UNC79: variants seen among roughly 807,000 people sequenced by gnomAD.
UNC79 encodes unc-79 subunit of NALCN channel complex, also known as protein unc-79 homolog.
A neutral mutation model predicts 283.1 loss-of-function variants in UNC79; 37 were observed. The ratio of observed to expected loss-of-function variants is 0.13; its 90% CI spans 0.10 to 0.17. The LOEUF (loss-of-function observed/expected upper bound fraction) is 0.17, where lower values mean the gene tolerates loss of function less well. Among genes scored for constraint, UNC79 ranks in the 10% least tolerant of loss-of-function variants. The pLI, the probability that UNC79 is intolerant of heterozygous loss-of-function variation, is 1.00. For missense variants in UNC79, 2,272 were observed against 3,211.1 expected (o/e 0.71, Z 7.07); for synonymous variants, 1,107 against 1,200.2 (o/e 0.92, Z 1.61).
intron 14 of UNC79, among the ~76,000 whole-genome samples, chr14:93,547,167 T>C (rs2061640713): frequency 6.6e-6 from 1 of 152,178 alleles, no homozygotes; most frequent in Non-Finnish European, 1.5e-5. Flanking sequence ...CAAAGAAGCA[T>C]AAAGATGTAT....
chr14:93,644,181 G>A (rs2140239407), intron 34 of UNC79, among the ~76,000 whole-genome samples: 1 of 152,342 alleles, frequency 6.6e-6, no homozygotes, highest in Non-Finnish European at 1.5e-5. Context: ...TTCTGACTCA[G>A]ATAAAAGAAG....
At chr14:93,604,937 G>A (rs1443267095) in intron 26 of UNC79, 4 of 1,586,686 alleles carry the variant, frequency 2.5e-6, no homozygotes, top group Admixed American at 1.7e-5. Flanking sequence ...TCCAGCTCTC[G>A]GTGGGACACC....
chr14:93,664,015 C>T (rs1038300796), intron 40 of UNC79, among the ~76,000 whole-genome samples: 1 of 152,134 alleles, frequency 6.6e-6, no homozygotes. Context: ...CAGGATATCT[C>T]CTCATAATCC....
rs1416629364 is a variant in UNC79, at chr14:93,517,284, A to T, written c.899-6694A>T. Among the ~76,000 whole-genome samples the T allele has an allele frequency of 5.3e-3, 518 of 97,546 alleles. No individual in the cohort carries two copies. The Middle Eastern group carries it at 0.054, about 10-fold the overall frequency. 64.0% of individuals were successfully genotyped at this position (97,546 alleles called of 152,430 possible). ...CCTCTTTTCCTTTTCTCTCTCTCTTACCCTTCTTTCCTTTCTCCCTTTTTT... is the reference window on the plus strand; with the variant it reads ...CCTCTTTTCCTTTTCTCTCTCTCTTTCCCTTCTTTCCTTTCTCCCTTTTTT... On this transcript the variant is annotated intron_variant, in intron 7 of 48. Coordinates refer to ENST00000555664, the Ensembl canonical transcript of UNC79.
intron 14 of UNC79, among the ~76,000 whole-genome samples, chr14:93,557,352 A>G (rs965589153): frequency 2.0e-5 from 3 of 150,274 alleles, no homozygotes; most frequent in African/African-American, 7.2e-5. Flanking sequence ...ATATCTCATG[A>G]CTGTGGGTAG....
intron 14 of UNC79, among the ~76,000 whole-genome samples, chr14:93,569,595 T>C (rs991007557): frequency 5.3e-5 from 8 of 152,214 alleles, no homozygotes; most frequent in African/African-American, 1.2e-4. Context: ...TTGCCTATTG[T>C]CAGGTTTTGG....
At chr14:93,353,652 T>C (rs978293948) in intron 1 of UNC79, among the ~76,000 whole-genome samples, 1 of 152,246 alleles carries the variant, frequency 6.6e-6, no homozygotes, top group Non-Finnish European at 1.5e-5. Flanking sequence ...TTGAATATTG[T>C]GTAGACACTT....
Position 93,690,462 on chromosome 14 carries a change from G to T in UNC79, c.7272+159G>T. The T allele has an allele frequency of 3.8e-6, 3 of 791,332 alleles. No individual in the cohort carries two copies. Among genetic ancestry groups the T allele is most frequent in the Non-Finnish European group, 5.5e-6 (3 of 542,992 alleles). 49.0% of individuals were successfully genotyped at this position (791,332 alleles called of 1,614,324 possible). The stretch of plus-strand genomic sequence containing the variant: ...TTGTGCTAATGTCTTATTTAAAGTT[G>T]TTTAGATTCCCAGACTGTCTTTCCC... On this transcript the variant is annotated intron_variant, in intron 45 of 48. Transcript: ENST00000555664. This position sits in a 1 kb window ranked among gnomAD's most constrained non-coding sequence, Gnocchi z 4.3.
chr14:93,466,821 G>A, intron 1 of UNC79: 1 of 984,732 alleles, frequency 1.0e-6, no homozygotes. Flanking sequence ...TTTGCAAAGA[G>A]GAATGACTAG....
intron 30 of UNC79, 38 bp from the exon 33 acceptor site, chr14:93,630,763 T>A: frequency 1.9e-6 from 3 of 1,564,960 alleles, no homozygotes; most frequent in Middle Eastern, 1.7e-4. Context: ...TTGCTTTTAA[T>A]CAGTGTCCTG....
chr14:93,511,814 G>A (rs1028176240), intron 7 of UNC79, among the ~76,000 whole-genome samples: 5 of 152,104 alleles, frequency 3.3e-5, no homozygotes, highest in African/African-American at 1.2e-4. Context: ...AATGATAAAA[G>A]TTGTGTTCTG....
intron 22 of UNC79, among the ~76,000 whole-genome samples, chr14:93,588,765 AAGAG>A (rs1302035970): frequency 6.6e-6 from 1 of 150,644 alleles, no homozygotes; most frequent in Non-Finnish European, 1.5e-5. Flanking sequence ...AAAAAAAAAA[AAGAG>A]AGAGAAAATC....
At chr14:93,611,880 C>CCAAACCA (rs1472151233) in intron 26 of UNC79, among the ~76,000 whole-genome samples, 1 of 151,904 alleles carries the variant, frequency 6.6e-6, no homozygotes, top group African/African-American at 2.4e-5. Flanking sequence ...TGAATAATCC[C>CCAAACCA]CAAACCATAA....
intron 47 of UNC79, among the ~76,000 whole-genome samples, chr14:93,701,817 A>T (rs535341743): frequency 6.6e-6 from 1 of 152,228 alleles, no homozygotes; most frequent in African/African-American, 2.4e-5. Context: ...TTAGAATCAC[A>T]TGGTCATAGA....
intron 30 of UNC79, among the ~76,000 whole-genome samples, chr14:93,628,689 C>T (rs2067763445): frequency 6.6e-6 from 1 of 152,084 alleles, no homozygotes; most frequent in Non-Finnish European, 1.5e-5. Flanking sequence ...CATTTTCTTC[C>T]CATCACTATA....
intron 14 of UNC79, among the ~76,000 whole-genome samples, chr14:93,563,930 A>G (rs1455679626): frequency 6.6e-6 from 1 of 152,126 alleles, no homozygotes; most frequent in Non-Finnish European, 1.5e-5. Context: ...TAGATTTTGG[A>G]AGTTATGAGA....
At chr14:93,675,686 C>T (rs2073283621) in intron 41 of UNC79, among the ~76,000 whole-genome samples, 1 of 152,174 alleles carries the variant, frequency 6.6e-6, no homozygotes, top group Non-Finnish European at 1.5e-5. Context: ...AGGATCAGAA[C>T]TGAGTTTTTC....
chr14:93,698,487 T>TTTG (rs1555408731), intron 47 of UNC79, among the ~76,000 whole-genome samples: 2 of 105,834 alleles, frequency 1.9e-5, no homozygotes, highest in African/African-American at 4.2e-5. Flanking sequence ...TTTTTTTTTT[T>TTTG]TTTTTTTTTT....
At chr14:93,457,914 T>C (rs557935578) in intron 1 of UNC79, among the ~76,000 whole-genome samples, 3 of 152,250 alleles carry the variant, frequency 2.0e-5, no homozygotes, top group East Asian at 3.9e-4. Flanking sequence ...GTAAAAATAG[T>C]GAGTAAAGAC....
Sources: gnomAD v4.1 joint callset for allele counts (sites outside exome capture counted in the v4.1 genomes callset) on GRCh38, gnomAD v4.1.1 for gene constraint, Gnocchi (gnomAD v3.1) non-coding constraint, MANE v1.5 for transcripts, NCBI Gene and HGNC (gene_info 2026-07-23, HGNC 2026-07-21) for gene names.